ACBD6: variants seen among roughly 807,000 people sequenced by gnomAD.
The protein encoded by ACBD6 is acyl-CoA-binding domain-containing protein 6.
A neutral mutation model predicts 37.2 loss-of-function variants in ACBD6; 28 were observed. The ratio of observed to expected loss-of-function variants is 0.75; its 90% CI spans 0.56 to 1.03. The LOEUF (loss-of-function observed/expected upper bound fraction) is 1.03. ACBD6 is among the 50% of genes least tolerant of loss of function. ACBD6 has a pLI of 0.00. For synonymous variants in ACBD6, 113 were observed against 126.8 expected, an observed-to-expected ratio of 0.89 and a Z score of 0.73; for missense variants, 340 against 337.4, an observed-to-expected ratio of 1.01 and a Z score of -0.06.
rs138416536 is a variant in ACBD6 at position 180,502,122 on chromosome 1, C to T, written c.145G>A (p.Ala49Thr). 2.9e-5 allele frequency: 46 copies of T among 1,613,930 alleles called. No individual in the cohort carries two copies. The highest frequency in any genetic ancestry group is 3.5e-5 in the Non-Finnish European group (41 of 1,179,982). ...TSCLAELFEK[A>T]AAHLQGLIQV... ...ATCAGGCCTTGCAGGTGCGCGGCAG[C>T]CTTCTCAAACAGCTCGGCCAGGCAA... Residue 49 changes from alanine to threonine, a missense_variant, in exon 1 of 8, where the codon GCT (alanine) becomes ACT (threonine). Transcript: ENST00000367595.
chr1:180,346,124 C>T (rs527345219), intron 6 of ACBD6, among the ~76,000 whole-genome samples: 6 of 152,092 alleles, frequency 3.9e-5, no homozygotes, highest in Admixed American at 2.0e-4. Context: ...CAGGCTAGAT[C>T]GGTTAGATCT....
intron 6 of ACBD6, among the ~76,000 whole-genome samples, chr1:180,375,411 G>A (rs557903818): frequency 2.6e-5 from 4 of 151,986 alleles, no homozygotes; most frequent in Non-Finnish European, 5.9e-5. Context: ...CTGCAGTCTC[G>A]ATCTCCTGGG....
chr1:180,378,622 T>TA (rs565603758), intron 6 of ACBD6, among the ~76,000 whole-genome samples: 283 of 152,346 alleles, frequency 1.9e-3, no homozygotes, highest in African/African-American at 6.5e-3. Flanking sequence ...AATTCCAGTG[T>TA]AAACTGTTAA....
chr1:180,375,322 CA>C (rs1316460314), intron 6 of ACBD6, among the ~76,000 whole-genome samples: 5 of 151,986 alleles, frequency 3.3e-5, no homozygotes, highest in Non-Finnish European at 5.9e-5. Flanking sequence ...CATCTCAAAT[CA>C]TGAGGGAACA....
At chr1:180,337,844 T>TGGTATAA (rs1380308111) in intron 6 of ACBD6, among the ~76,000 whole-genome samples, 2 of 152,044 alleles carry the variant, frequency 1.3e-5, no homozygotes, top group African/African-American at 4.8e-5. Flanking sequence ...ATCACAAGCA[T>TGGTATAA]TCTTATACAC....
intron 9 of ACBD6, chr1:180,275,503 G>T (rs189750912): frequency 6.6e-6 from 1 of 152,214 alleles, no homozygotes; most frequent in Admixed American, 6.5e-5. Context: ...CAGCCATATC[G>T]GCTGATGCCA....
intron 3 of ACBD6, among the ~76,000 whole-genome samples, chr1:180,459,607 T>G (rs1283580490): frequency 2.0e-5 from 3 of 152,218 alleles, no homozygotes; most frequent in African/African-American, 4.8e-5. Context: ...CATTTTAGTT[T>G]ATAACCTACA....
rs529210209 is a variant in ACBD6 at position 180,338,116 on chromosome 1, T to G, written c.664-23394A>C. Reference sequence around the variant, plus strand: ...AATGGCCATACTGCCCAAGGTAATTTATAGATTCAATGCCATCCCCATCAA... The same window carrying G: ...AATGGCCATACTGCCCAAGGTAATTGATAGATTCAATGCCATCCCCATCAA... On this transcript the variant is annotated intron_variant, in intron 6 of 7. Coordinates refer to ENST00000367595, the MANE Select transcript of ACBD6 (RefSeq NM_032360.4). Among the ~76,000 whole-genome samples, 8 of 152,328 alleles carry G rather than the reference T, an allele frequency of 5.3e-5. No individual in the cohort carries two copies. The East Asian group carries it at 9.6e-4, about 18-fold the overall frequency.
intron 3 of ACBD6, among the ~76,000 whole-genome samples, chr1:180,484,275 C>T (rs923543919): frequency 6.6e-6 from 1 of 152,002 alleles, no homozygotes; most frequent in African/African-American, 2.4e-5. Context: ...TACAAAACTG[C>T]CTTATTATTT....
intron 3 of ACBD6, among the ~76,000 whole-genome samples, chr1:180,485,832 C>T (rs1651241667): frequency 6.6e-6 from 1 of 151,316 alleles, no homozygotes; most frequent in Non-Finnish European, 1.5e-5. Context: ...TAAAAAGCTC[C>T]AAATAGCCAA....
intron 6 of ACBD6, among the ~76,000 whole-genome samples, chr1:180,352,493 T>C (rs1412487605): frequency 2.0e-5 from 3 of 152,142 alleles, no homozygotes; most frequent in African/African-American, 7.2e-5. Context: ...CCAGCCATAT[T>C]TTTTATAGGT....
chr1:180,306,346 G>T (rs1358598699), intron 7 of ACBD6, among the ~76,000 whole-genome samples: 2 of 151,972 alleles, frequency 1.3e-5, no homozygotes, highest in Non-Finnish European at 2.9e-5. Flanking sequence ...TTGTTCAAGG[G>T]TCAACTGTAT....
chr1:180,453,315 C>A (rs1042941237), intron 3 of ACBD6, among the ~76,000 whole-genome samples: 2 of 152,286 alleles, frequency 1.3e-5, no homozygotes, highest in Non-Finnish European at 1.5e-5. Context: ...ATGACAAAAA[C>A]CACATGATTA....
chr1:180,376,574 G>A (rs1246950006), intron 6 of ACBD6, among the ~76,000 whole-genome samples: 1 of 152,124 alleles, frequency 6.6e-6, no homozygotes, highest in Non-Finnish European at 1.5e-5. Flanking sequence ...ATGAGCAAAA[G>A]AGTATCTTTA....
chr1:180,418,220 G>T (rs750946776), intron 4 of ACBD6, among the ~76,000 whole-genome samples: 1 of 151,976 alleles, frequency 6.6e-6, no homozygotes, highest in Non-Finnish European at 1.5e-5. Flanking sequence ...TTTACTTACA[G>T]ATGTTTTTCT....
chr1:180,428,553 T>C (rs1411288052), intron 4 of ACBD6, among the ~76,000 whole-genome samples: 1 of 152,248 alleles, frequency 6.6e-6, no homozygotes, highest in African/African-American at 2.4e-5. Flanking sequence ...AGTTTAACTC[T>C]ATCTCAGGAT....
chr1:180,365,536 C>A (rs1441308700), intron 6 of ACBD6, among the ~76,000 whole-genome samples: 1 of 152,074 alleles, frequency 6.6e-6, no homozygotes. Flanking sequence ...TTTTGAAATA[C>A]AAAAATCTAA....
chr1:180,501,397 G>A (rs538296846), intron 1 of ACBD6, among the ~76,000 whole-genome samples: 2 of 152,320 alleles, frequency 1.3e-5, no homozygotes, highest in East Asian at 1.9e-4. Flanking sequence ...TGCCCAGGCT[G>A]GAGTGCAATG....
chr1:180,333,350 G>A (rs935046746), intron 6 of ACBD6, among the ~76,000 whole-genome samples: 1 of 152,064 alleles, frequency 6.6e-6, no homozygotes, highest in Non-Finnish European at 1.5e-5. Context: ...TCAATCTGTT[G>A]TGACAACACA....
Sources: allele counts gnomAD v4.1 joint callset (sites outside exome capture counted in the v4.1 genomes callset), GRCh38; gene constraint gnomAD v4.1.1; transcripts MANE v1.5; gene names NCBI Gene and HGNC (gene_info 2026-07-23, HGNC 2026-07-21).